The following FBXO16 variants were observed in gnomAD, a reference collection of about 807,000 sequenced individuals.
FBXO16 encodes F-box only protein 16.
A neutral mutation model predicts 41.0 loss-of-function variants in FBXO16; 31 were observed. That is an observed-to-expected ratio of 0.76 (90% confidence interval 0.57 to 1.02). The LOEUF (loss-of-function observed/expected upper bound fraction) is 1.02. FBXO16 is among the 50% of genes least tolerant of loss of function. The pLI is 0.00. For missense variants in FBXO16, 361 were observed against 346.2 expected (o/e 1.04, Z -0.34); for synonymous variants, 133 against 117.8 (o/e 1.13, Z -0.84).
At chr8:28,454,677 G>C (rs1424449133) in intron 5 of FBXO16, among the ~76,000 whole-genome samples, 1 of 143,780 alleles carries the variant, frequency 7.0e-6, no homozygotes, top group Non-Finnish European at 1.5e-5. Flanking sequence ...GCAGTGAGCC[G>C]AGATGGCGCC....
At chr8:28,433,071 A>C (rs199853061) in intron 7 of FBXO16, among the ~76,000 whole-genome samples, 15,616 of 142,044 alleles carry the variant, frequency 0.11, 1,060 homozygotes, top group South Asian at 0.3. Context: ...AAAAAAAAAA[A>C]AACAAACAAA....
At chr8:28,429,309 A>C (rs1802572621) in intron 8 of FBXO16, 69 bp downstream of exon 8, 1 of 1,539,148 alleles carries the variant, frequency 6.5e-7, no homozygotes, top group Non-Finnish European at 9.0e-7. Flanking sequence ...ACTCTCCATT[A>C]ATCAATACAT....
intron 4 of FBXO16, among the ~76,000 whole-genome samples, chr8:28,458,544 C>CTTTTTTTTTTTTTTT (rs34617439): frequency 3.3e-4 from 29 of 87,600 alleles, no homozygotes; most frequent in East Asian, 4.1e-4. Flanking sequence ...TCTTCTTCTT[C>CTTTTTTTTTTTTTTT]TTTTTTTTTT....
chr8:28,463,934 G>T, intron 3 of FBXO16, 116 bp from the exon 4 acceptor site: 1 of 979,410 alleles, frequency 1.0e-6, no homozygotes, highest in Non-Finnish European at 1.5e-6. Context: ...TTTATTTCTA[G>T]TATTTATTTC....
chr8:28,478,950 G>A (rs961763513), intron 2 of FBXO16, among the ~76,000 whole-genome samples: 2 of 152,098 alleles, frequency 1.3e-5, no homozygotes, highest in African/African-American at 4.8e-5. Context: ...CAGCGGGAGT[G>A]AGTTCTCATG....
At chr8:28,431,783 T>TTTTGC (rs1658568202) in intron 7 of FBXO16, among the ~76,000 whole-genome samples, 3 of 152,354 alleles carry the variant, frequency 2.0e-5, no homozygotes, top group Admixed American at 2.0e-4. Context: ...CAGGGATTAT[T>TTTTGC]TTTGCTTTTC....
intron 3 of FBXO16, among the ~76,000 whole-genome samples, chr8:28,464,761 C>T (rs891474507): frequency 1.3e-5 from 2 of 152,236 alleles, no homozygotes; most frequent in East Asian, 1.9e-4. Context: ...TCAAGTGATT[C>T]TCCTGCCTCA....
intron 7 of FBXO16, among the ~76,000 whole-genome samples, chr8:28,441,853 T>A (rs1486963816): frequency 6.7e-6 from 1 of 148,774 alleles, no homozygotes; most frequent in Non-Finnish European, 1.5e-5. Context: ...ATATATAATG[T>A]GTGTATATAT....
chr8:28,438,029 A>G (rs1194404164), intron 7 of FBXO16, among the ~76,000 whole-genome samples: 1 of 152,186 alleles, frequency 6.6e-6, no homozygotes, highest in Non-Finnish European at 1.5e-5. Context: ...GAAACTGACT[A>G]TAAGGGCCAG....
chr8:28,479,398 C>T (rs1042972544), intron 2 of FBXO16, among the ~76,000 whole-genome samples: 7 of 152,188 alleles, frequency 4.6e-5, no homozygotes, highest in African/African-American at 1.7e-4. Flanking sequence ...CTCTAAAAAT[C>T]GAATTGCAAG....
intron 7 of FBXO16, among the ~76,000 whole-genome samples, chr8:28,442,006 C>T (rs1266269489): frequency 3.5e-5 from 5 of 143,982 alleles, no homozygotes; most frequent in Non-Finnish European, 6.0e-5. Flanking sequence ...TGCAGTGGCG[C>T]GATCTCAGCT....
chr8:28,490,070 C>G (rs1803666427), intron 1 of FBXO16, 116 bp downstream of exon 1: 1 of 152,110 alleles, frequency 6.6e-6, no homozygotes, highest in African/African-American at 2.4e-5. Flanking sequence ...TGCACTGTAG[C>G]CCAAATGAGA....
chr8:28,429,361 T>C lies in FBXO16; in HGVS notation c.869+17A>G, dbSNP rs1039007703. On this transcript the variant is annotated intron_variant, in intron 8 of 8. Transcript: ENST00000380254. ...AAAAGGCAAATGTCACAGGTTGATA[T>C]CACAACCGAAACTCACAGTGGGAAG... 6.2e-7 allele frequency: 1 copy of C among 1,613,540 alleles called. No individual in the cohort carries two copies. The highest frequency in any genetic ancestry group is 1.7e-5 in the Admixed American group (1 of 59,954).
intron 7 of FBXO16, among the ~76,000 whole-genome samples, chr8:28,430,360 C>G (rs1802588341): frequency 6.6e-6 from 1 of 152,174 alleles, no homozygotes; most frequent in Non-Finnish European, 1.5e-5. Flanking sequence ...ATTACAGGCC[C>G]ACTGTGCCCG....
chr8:28,487,056 A>G (rs1803614174), intron 1 of FBXO16, among the ~76,000 whole-genome samples: 1 of 151,974 alleles, frequency 6.6e-6, no homozygotes, highest in Non-Finnish European at 1.5e-5. Context: ...ATCCTTCTGA[A>G]TGAGGAGAAG....
At chr8:28,488,279 T>C (rs1250905434) in intron 1 of FBXO16, among the ~76,000 whole-genome samples, 4 of 151,536 alleles carry the variant, frequency 2.6e-5, no homozygotes, top group South Asian at 4.2e-4. Flanking sequence ...TACTTCCAAT[T>C]TGATCTTCTA....
intron 2 of FBXO16, among the ~76,000 whole-genome samples, chr8:28,479,378 G>A (rs371387655): frequency 5.3e-5 from 8 of 152,054 alleles, no homozygotes; most frequent in South Asian, 4.1e-4. Context: ...GCTAATCTCC[G>A]AATCAGCTTC....
chr8:28,430,473 G>T (rs909092548), intron 7 of FBXO16, among the ~76,000 whole-genome samples: 1 of 152,122 alleles, frequency 6.6e-6, no homozygotes, highest in Admixed American at 6.6e-5. Flanking sequence ...GCAAAACTGG[G>T]GTTAAAGTAG....
At chr8:28,441,148 C>G (rs568144061) in intron 7 of FBXO16, among the ~76,000 whole-genome samples, 1 of 152,230 alleles carries the variant, frequency 6.6e-6, no homozygotes, top group East Asian at 1.9e-4. Context: ...CAGGTGGTAT[C>G]TAATACTGTT....
Sources: gnomAD v4.1 joint callset for allele counts (sites outside exome capture counted in the v4.1 genomes callset) on GRCh38, gnomAD v4.1.1 for gene constraint, MANE v1.5 for transcripts, NCBI Gene and HGNC (gene_info 2026-07-23, HGNC 2026-07-21) for gene names.